Variants in ATL2 observed in about 807,000 individuals in gnomAD.
ATL2 encodes the protein atlastin-2.
Under a neutral mutation model 73.9 loss-of-function variants are expected in ATL2, and 31 were observed. The ratio of observed to expected loss-of-function variants is 0.42; its 90% CI spans 0.32 to 0.57. The LOEUF (loss-of-function observed/expected upper bound fraction) is 0.57. Ranked by LOEUF, ATL2 falls within the 20% of genes least tolerant of loss-of-function variation. The pLI is 0.14. For missense variants in ATL2, 738 were observed against 702.6 expected (o/e 1.05, Z -0.57); for synonymous variants, 291 against 237.5 (o/e 1.23, Z -2.07).
intron 5 of ATL2, among the ~76,000 whole-genome samples, chr2:38,314,915 G>A (rs1053618539): frequency 6.6e-6 from 1 of 152,216 alleles, no homozygotes; most frequent in African/African-American, 2.4e-5. Context: ...TCATAATAAA[G>A]TGAGAATTAA....
chr2:38,327,786 C>A (rs1432563796), intron 2 of ATL2, among the ~76,000 whole-genome samples: 3 of 151,976 alleles, frequency 2.0e-5, no homozygotes, highest in African/African-American at 7.2e-5. Flanking sequence ...AAATACAAAA[C>A]TTAGCGGGGC....
chr2:38,297,900 A>C (rs888164037), intron 12 of ATL2: 1 of 364,130 alleles, frequency 2.7e-6, no homozygotes, highest in East Asian at 4.3e-5. Context: ...GTCTGATACA[A>C]TCAGGCCTAC....
chr2:38,331,437 GAAAAAAA>G (rs34238912), intron 2 of ATL2, among the ~76,000 whole-genome samples: 7 of 80,340 alleles, frequency 8.7e-5, no homozygotes, highest in East Asian at 4.6e-4. Context: ...TCTGTCTCAA[GAAAAAAA>G]AAAAAAAAAA....
intron 2 of ATL2, among the ~76,000 whole-genome samples, chr2:38,320,559 A>C (rs142570238): frequency 6.6e-6 from 1 of 152,356 alleles, no homozygotes; most frequent in East Asian, 1.9e-4. Context: ...AAAAGTTAAC[A>C]TATAAGGTAA....
At chr2:38,333,546 T>C (rs1347702587) in intron 2 of ATL2, among the ~76,000 whole-genome samples, 1 of 152,170 alleles carries the variant, frequency 6.6e-6, no homozygotes, top group Non-Finnish European at 1.5e-5. Flanking sequence ...ATAGCCTAAA[T>C]AAAACCAGTT....
At chr2:38,310,177 A>T in intron 8 of ATL2, 132 bp downstream of exon 8, 1 of 1,044,760 alleles carries the variant, frequency 9.6e-7, no homozygotes, top group Non-Finnish European at 1.4e-6. Context: ...GAGCATTACA[A>T]CCACAACATG....
At chr2:38,304,748 A>G (rs1643319148) in intron 9 of ATL2, among the ~76,000 whole-genome samples, 1 of 152,196 alleles carries the variant, frequency 6.6e-6, no homozygotes, top group Admixed American at 6.5e-5. Context: ...TAAATATATT[A>G]TAGTTGCAAA....
At chr2:38,312,197 T>C (rs1667789815) in intron 7 of ATL2, among the ~76,000 whole-genome samples, 1 of 152,140 alleles carries the variant, frequency 6.6e-6, no homozygotes. Context: ...GACCTGCAGG[T>C]TTCCCAAATT....
At chr2:38,344,923 T>C (rs558542313) in intron 1 of ATL2, among the ~76,000 whole-genome samples, 1 of 152,258 alleles carries the variant, frequency 6.6e-6, no homozygotes, top group East Asian at 1.9e-4. Context: ...CACAACACAT[T>C]AAAATAAGGT....
chr2:38,312,241 T>C (rs1399052539), intron 7 of ATL2, among the ~76,000 whole-genome samples: 2 of 152,142 alleles, frequency 1.3e-5, no homozygotes, highest in South Asian at 2.1e-4. Flanking sequence ...CACCCAAATC[T>C]CATCTCAAAT....
intron 1 of ATL2, among the ~76,000 whole-genome samples, chr2:38,352,104 C>T (rs1670382717): frequency 9.7e-6 from 1 of 103,220 alleles, no homozygotes; most frequent in Admixed American, 1.3e-4. Flanking sequence ...GAGCAAAACT[C>T]TGTTTCAAAA....
intron 1 of ATL2, among the ~76,000 whole-genome samples, chr2:38,349,973 C>G (rs1670247531): frequency 6.6e-6 from 1 of 152,062 alleles, no homozygotes; most frequent in Non-Finnish European, 1.5e-5. Flanking sequence ...CAAATATGGA[C>G]TAAATACAGA....
chr2:38,299,604 T>C (rs543477062), intron 10 of ATL2, among the ~76,000 whole-genome samples: 2 of 152,280 alleles, frequency 1.3e-5, no homozygotes, highest in African/African-American at 2.4e-5. Context: ...TAAAGATAAA[T>C]AGATATAACC....
intron 12 of ATL2, chr2:38,296,361 T>C (rs1666893469): frequency 1.8e-5 from 27 of 1,487,634 alleles, no homozygotes; most frequent in Non-Finnish European, 2.3e-5. Context: ...CCATACCCTA[T>C]ATGCAGCATC....
chr2:38,337,648 A>G (rs1226195968), intron 2 of ATL2, among the ~76,000 whole-genome samples: 1 of 151,864 alleles, frequency 6.6e-6, no homozygotes, highest in Non-Finnish European at 1.5e-5. Context: ...TTTATAAATT[A>G]ATTGATCACA....
intron 1 of ATL2, among the ~76,000 whole-genome samples, chr2:38,371,690 G>C (rs1214209861): frequency 6.6e-6 from 1 of 152,084 alleles, no homozygotes. Context: ...CTGAGGTCAG[G>C]AGTTCGAGAC....
rs188173273 is a variant in ATL2 at position 38,328,358 on chromosome 2, C to T, written c.364-9339G>A. 5.3e-5 allele frequency among the ~76,000 whole-genome samples: 8 copies of T among 152,308 alleles called. No homozygotes were observed. In the East Asian group the frequency reaches 1.4e-3, roughly 26 times the overall value. On this transcript the variant is annotated intron_variant, in intron 2 of 12. Coordinates refer to ENST00000378954, the MANE Select transcript of ATL2 (RefSeq NM_001135673.4). ...TGACATTATAGTATATTTCATCCAACAACAGCACAATACATACTCTTCTCA... is the reference window on the plus strand; with the variant it reads ...TGACATTATAGTATATTTCATCCAATAACAGCACAATACATACTCTTCTCA...
At chr2:38,344,756 C>T (rs1160405695) in intron 1 of ATL2, among the ~76,000 whole-genome samples, 1 of 152,174 alleles carries the variant, frequency 6.6e-6, no homozygotes, top group East Asian at 1.9e-4. Context: ...ACAGCCTCCT[C>T]ATTAAAGCAA....
chr2:38,306,217 A>T (rs1044492359), intron 9 of ATL2, among the ~76,000 whole-genome samples: 1 of 152,232 alleles, frequency 6.6e-6, no homozygotes, highest in African/African-American at 2.4e-5. Flanking sequence ...ACCCGTACAG[A>T]CCAATAACAA....
Sources: allele counts gnomAD v4.1 joint callset (sites outside exome capture counted in the v4.1 genomes callset), GRCh38; gene constraint gnomAD v4.1.1; transcripts MANE v1.5; gene names NCBI Gene and HGNC (gene_info 2026-07-23, HGNC 2026-07-21).